ZNF709: variants seen among roughly 807,000 people sequenced by gnomAD.
ZNF709 encodes the protein zinc finger protein 709.
A neutral mutation model predicts 10.6 loss-of-function variants in ZNF709; 15 were observed. The observed-to-expected ratio is 1.41, with a 90% confidence interval of 0.95 to 2.18. The LOEUF (loss-of-function observed/expected upper bound fraction) is 2.18. Ranked by LOEUF, ZNF709 falls within the 30% of genes most tolerant of loss-of-function variation. The pLI is 0.00. For synonymous variants in ZNF709, 194 were observed against 238.8 expected (o/e 0.81, Z 1.73); for missense variants, 589 against 774.0 (o/e 0.76, Z 2.84).
Position 12,465,483 on chromosome 19 carries a change from T to C in ZNF709, c.439A>G (p.Lys147Glu). 6.2e-7 allele frequency: 1 copy of C among 1,609,890 alleles called. No homozygotes were observed. Among genetic ancestry groups the C allele is most frequent in the Non-Finnish European group, 8.5e-7 (1 of 1,178,470 alleles). ...AATGAACTTCGAAAGCTGAATCTTT[T>C]CCCACATTCCTTACATTCATATGAT... Reference protein sequence around the residue: ...EKSYECKECGKRFSFRSSFRI... With the variant: ...EKSYECKECGERFSFRSSFRI... Residue 147 changes from lysine (K) to glutamate (E), a missense_variant, in exon 4 of 4, where the codon AAA (lysine) becomes GAA (glutamate). Coordinates refer to ENST00000397732, the MANE Select transcript of ZNF709 (RefSeq NM_152601.4).
At position 12,465,629 on chromosome 19, in the gene ZNF709, C is replaced by T; in HGVS notation, c.293G>A (p.Arg98Lys). The T allele has an allele frequency of 1.2e-6, 2 of 1,613,240 alleles. No individual in the cohort carries two copies. Among genetic ancestry groups the T allele is most frequent in the Non-Finnish European group, 1.7e-6 (2 of 1,179,848 alleles). Residue 98 changes from arginine (R) to lysine (K), a missense_variant, in exon 4 of 4, where the codon AGA becomes AAA. Arg to Lys is a conservative substitution (Grantham distance 26, BLOSUM62 2). Transcript: ENST00000397732. ...CACACTACATTCATATGGTTTTACT[C>T]TAGTAAAAGTTTTCTTGTTTGGTTT... ...NPKPNKKTFT[R>K]VKPYECSVCG...
At chr19:12,484,542 CCACAG>C (rs1368233417) in intron 1 of ZNF709, 108 bp downstream of exon 1, 8 of 1,467,874 alleles carry the variant, frequency 5.5e-6, no homozygotes, top group South Asian at 4.9e-5. Context: ...GGACTCGGGT[CCACAG>C]ACCCGGGAGA....
chr19:12,481,232 T>C, intron 1 of ZNF709: 2 of 977,252 alleles, frequency 2.0e-6, no homozygotes, highest in Non-Finnish European at 2.4e-6. Flanking sequence ...TTCCAGAGTT[T>C]TCTTTTTTTT....
intron 1 of ZNF709, among the ~76,000 whole-genome samples, chr19:12,480,682 C>CAAAA (rs373494664): frequency 1.6e-5 from 2 of 125,616 alleles, no homozygotes; most frequent in African/African-American, 3.2e-5. Flanking sequence ...GACTCCGTCT[C>CAAAA]AAAAAAAAAA....
rs1004697685 is a variant in ZNF709, at chr19:12,464,881, A to G, written c.1041T>C (p.Ser347=). ...TCATATGTCTTCGATAGCTTGGAAGAGAAATGAATGCTTTCCCACATTCCT... is the reference window on the plus strand; with the variant it reads ...TCATATGTCTTCGATAGCTTGGAAGGGAAATGAATGCTTTCCCACATTCCT... The part of the protein sequence containing the change: ...DCKECGKAFI[S]LPSYRRHMIM... Residue 347 remains serine (S), a synonymous_variant, in exon 4 of 4, where the codon TCT becomes TCC. Coordinates refer to ENST00000397732, the MANE Select transcript of ZNF709 (RefSeq NM_152601.4). 1.2e-6 allele frequency: 2 copies of G among 1,613,840 alleles called. No homozygotes were observed. Among genetic ancestry groups the G allele is most frequent in the African/African-American group, 2.7e-5 (2 of 74,906 alleles).
At chr19:12,468,168 C>T (rs1198998994) in intron 1 of ZNF709, among the ~76,000 whole-genome samples, 5 of 152,262 alleles carry the variant, frequency 3.3e-5, no homozygotes, top group East Asian at 1.9e-4. Context: ...CCCCTCTGCC[C>T]GGCCACCACC....
In ZNF709 at chr19:12,463,409, T is replaced by C; in HGVS notation, c.*587A>G. 1 of 152,212 alleles carries C rather than the reference T, an allele frequency of 6.6e-6. No individual in the cohort carries two copies. The highest frequency in any genetic ancestry group is 1.5e-5 in the Non-Finnish European group (1 of 68,030). 9.4% of individuals were successfully genotyped at this position (152,212 alleles called of 1,614,324 possible). On this transcript the variant is annotated 3_prime_UTR_variant, in exon 4 of 4. Transcript: ENST00000397732. ...TCCACATTCTTTACATTTTTAAGGT[T>C]ATAAATTCTTTACATTTATAGGGCA...
Position 12,465,264 on chromosome 19 carries a change from CT to C in ZNF709, c.657del (p.Glu221ArgfsTer135), listed in dbSNP as rs1424344712. The C allele has an allele frequency of 6.2e-7, 1 of 1,613,120 alleles. No individual in the cohort carries two copies. Among genetic ancestry groups the C allele is most frequent in the Admixed American group, 1.7e-5 (1 of 59,874 alleles). On this transcript the variant is annotated frameshift_variant, in exon 4 of 4. Transcript: ENST00000397732. LOFTEE classifies it low-confidence loss of function (END_TRUNC). The part of the protein sequence containing the change: ...TTFRGHMRMH[T>X]GEKPYKCKEC... Reference sequence around the variant, plus strand: ...TCTTTACATTTATAGGGTTTCTCCCCTGTGTGCATTCTCATGTGTCCTCGAA... The same window carrying C: ...TCTTTACATTTATAGGGTTTCTCCCCGTGTGCATTCTCATGTGTCCTCGAA...
chr19:12,471,839 G>T (rs1015881141), intron 1 of ZNF709, among the ~76,000 whole-genome samples: 2 of 152,174 alleles, frequency 1.3e-5, no homozygotes, highest in African/African-American at 4.8e-5. Flanking sequence ...AATTAAAACT[G>T]TTTCAAAAGT....
Position 12,484,758 on chromosome 19 carries a change from G to T in ZNF709, c.-101C>A. 3.3e-6 allele frequency: 5 copies of T among 1,529,396 alleles called. No homozygotes were observed. The highest frequency in any genetic ancestry group is 4.5e-6 in the Non-Finnish European group (5 of 1,105,628). The allele number at this position is 1,529,396 out of a possible 1,614,324, so 94.7% of individuals were successfully genotyped here. On this transcript the variant is annotated 5_prime_UTR_variant, in exon 1 of 4. Transcript: ENST00000397732. ...CCCTTCCTCCACCTGAGGGCCTTCT[G>T]GGGTGAGGAGACCCCAGAGCGGAGC...
chr19:12,465,787 A>C, intron 3 of ZNF709, 54 bp from the exon 4 acceptor site: 1 of 1,272,100 alleles, frequency 7.9e-7, no homozygotes, highest in Non-Finnish European at 1.0e-6. Flanking sequence ...TAAAATTAAT[A>C]ATTTTATAAT....
chr19:12,467,276 T>C (rs897456887), intron 1 of ZNF709, among the ~76,000 whole-genome samples: 8 of 152,330 alleles, frequency 5.3e-5, no homozygotes, highest in Admixed American at 3.3e-4. Flanking sequence ...TGCCTGCGAT[T>C]GCAGGCGCGC....
chr19:12,477,440 C>G (rs1055320845), intron 1 of ZNF709, among the ~76,000 whole-genome samples: 2 of 152,096 alleles, frequency 1.3e-5, no homozygotes, highest in African/African-American at 4.8e-5. Context: ...CCTGTTCATT[C>G]TGGCGTATTT....
chr19:12,477,435 T>C (rs1970686108), intron 1 of ZNF709, among the ~76,000 whole-genome samples: 1 of 152,176 alleles, frequency 6.6e-6, no homozygotes, highest in African/African-American at 2.4e-5. Context: ...GTTTACCTGT[T>C]CATTCTGGCG....
intron 1 of ZNF709, among the ~76,000 whole-genome samples, chr19:12,469,094 C>A (rs550635040): frequency 3.0e-4 from 46 of 152,286 alleles, no homozygotes; most frequent in African/African-American, 1.1e-3. Context: ...CCCACCTCGG[C>A]CTCCCAAAGT....
chr19:12,476,828 T>C (rs1395593862), intron 1 of ZNF709, among the ~76,000 whole-genome samples: 1 of 152,176 alleles, frequency 6.6e-6, no homozygotes, highest in Non-Finnish European at 1.5e-5. Context: ...TTATTTTATA[T>C]ATGGGGCAAT....
chr19:12,482,688 T>C (rs1420994488), intron 1 of ZNF709, among the ~76,000 whole-genome samples: 1 of 152,202 alleles, frequency 6.6e-6, no homozygotes, highest in African/African-American at 2.4e-5. Flanking sequence ...AGGGCATCAC[T>C]GGATTCAGCC....
intron 3 of ZNF709, among the ~76,000 whole-genome samples, chr19:12,466,115 A>G (rs1420355968): frequency 6.6e-6 from 1 of 151,948 alleles, no homozygotes; most frequent in Admixed American, 6.6e-5. Flanking sequence ...TAATTTTTGC[A>G]TTTTTAGTAG....
At chr19:12,484,564 CG>C in intron 1 of ZNF709, 90 bp downstream of exon 1, 1 of 1,504,556 alleles carries the variant, frequency 6.6e-7, no homozygotes, top group Non-Finnish European at 9.0e-7. Flanking sequence ...GAGACAACGG[CG>C]GGGAGGCCTG....
Sources: allele counts gnomAD v4.1 joint callset (sites outside exome capture counted in the v4.1 genomes callset), GRCh38; gene constraint gnomAD v4.1.1; transcripts MANE v1.5; gene names NCBI Gene and HGNC (gene_info 2026-07-23, HGNC 2026-07-21).